Variants in CDH9 observed in about 807,000 individuals in gnomAD.
CDH9 encodes cadherin-9.
Under a neutral mutation model 70.9 loss-of-function variants are expected in CDH9, and 28 were observed. The ratio of observed to expected loss-of-function variants is 0.40; its 90% CI spans 0.29 to 0.54. The LOEUF (loss-of-function observed/expected upper bound fraction) is 0.54, where lower values mean the gene tolerates loss of function less well. CDH9 is among the 20% of genes least tolerant of loss of function. The pLI, the probability that CDH9 is intolerant of heterozygous loss-of-function variation, is 0.59. For missense variants in CDH9, 874 were observed against 984.4 expected, an observed-to-expected ratio of 0.89 and a Z score of 1.50; for synonymous variants, 409 against 343.1, an observed-to-expected ratio of 1.19 and a Z score of -2.12.
chr5:26,945,941 G>A (rs1384966875), intron 2 of CDH9, among the ~76,000 whole-genome samples: 1 of 152,078 alleles, frequency 6.6e-6, no homozygotes, highest in East Asian at 1.9e-4. Context: ...TAATCTCCTT[G>A]CAAGTGGATT....
intron 2 of CDH9, among the ~76,000 whole-genome samples, chr5:26,952,681 C>T (rs76287682): frequency 0.025 from 3,503 of 142,126 alleles, 137 homozygotes; most frequent in African/African-American, 0.087. Context: ...GTGATTGGGT[C>T]ATGAGGGCTT....
At chr5:26,971,325 C>T (rs1340517364) in intron 2 of CDH9, among the ~76,000 whole-genome samples, 6 of 152,078 alleles carry the variant, frequency 3.9e-5, no homozygotes, top group African/African-American at 7.2e-5. Context: ...TAGCCTTGAA[C>T]ACATCATTTT....
At chr5:26,965,951 T>C (rs551833232) in intron 2 of CDH9, among the ~76,000 whole-genome samples, 63 of 152,214 alleles carry the variant, frequency 4.1e-4, no homozygotes, top group Admixed American at 7.9e-4. Flanking sequence ...CACATCCAAC[T>C]TTTTGATGAA....
chr5:26,992,968 T>C (rs1458554071), intron 1 of CDH9, among the ~76,000 whole-genome samples: 1 of 151,970 alleles, frequency 6.6e-6, no homozygotes, highest in African/African-American at 2.4e-5. Flanking sequence ...TAGTGGCGCA[T>C]GCCTGTAATC....
chr5:27,000,555 A>G (rs1261369855), intron 1 of CDH9, among the ~76,000 whole-genome samples: 1 of 152,168 alleles, frequency 6.6e-6, no homozygotes, highest in African/African-American at 2.4e-5. Flanking sequence ...CGAAGTTGGA[A>G]CAACTTCAGC....
chr5:26,967,937 T>C (rs994457668), intron 2 of CDH9, among the ~76,000 whole-genome samples: 3 of 151,830 alleles, frequency 2.0e-5, no homozygotes, highest in African/African-American at 7.3e-5. Context: ...GGTCTTGAAC[T>C]CTTGGCCTCA....
chr5:26,897,859 A>G (rs1228505583), intron 7 of CDH9, among the ~76,000 whole-genome samples: 1 of 152,172 alleles, frequency 6.6e-6, no homozygotes, highest in Non-Finnish European at 1.5e-5. Flanking sequence ...AGGGTATTCA[A>G]GTAGGAAGAG....
chr5:27,026,237 T>C (rs542361729), intron 1 of CDH9, among the ~76,000 whole-genome samples: 7 of 152,142 alleles, frequency 4.6e-5, no homozygotes, highest in African/African-American at 1.7e-4. Context: ...CACATTCTTA[T>C]TATATGTTTA....
chr5:26,939,311 A>G (rs1320576292), intron 2 of CDH9, among the ~76,000 whole-genome samples: 3 of 151,902 alleles, frequency 2.0e-5, no homozygotes, highest in Non-Finnish European at 4.4e-5. Context: ...ATGAGCTCTT[A>G]GACTTAAATA....
intron 1 of CDH9, among the ~76,000 whole-genome samples, chr5:27,014,410 G>C (rs1743011057): frequency 6.6e-6 from 1 of 151,886 alleles, no homozygotes; most frequent in Admixed American, 6.6e-5. Flanking sequence ...TGTGTTCCTA[G>C]GGATCCTGTG....
intron 2 of CDH9, among the ~76,000 whole-genome samples, chr5:26,976,719 G>T (rs1040644263): frequency 6.6e-6 from 1 of 151,964 alleles, no homozygotes; most frequent in Non-Finnish European, 1.5e-5. Context: ...TCCATATATT[G>T]CTTCCTTTTA....
intron 1 of CDH9, among the ~76,000 whole-genome samples, chr5:27,004,586 C>T (rs1742827014): frequency 6.6e-6 from 1 of 151,914 alleles, no homozygotes; most frequent in Non-Finnish European, 1.5e-5. Context: ...GGAGAGACAA[C>T]TGGAAATAAA....
chr5:27,011,283 G>A (rs532580040), intron 1 of CDH9, among the ~76,000 whole-genome samples: 4 of 152,186 alleles, frequency 2.6e-5, no homozygotes, highest in South Asian at 2.1e-4. Flanking sequence ...CTGACCTTAC[G>A]TGGAAACAGA....
At chr5:26,933,400 C>A (rs905875465) in intron 2 of CDH9, among the ~76,000 whole-genome samples, 1 of 151,296 alleles carries the variant, frequency 6.6e-6, no homozygotes, top group African/African-American at 2.4e-5. Context: ...ATGAAATCGA[C>A]AATGAGAGAT....
At chr5:27,028,343 C>T (rs1041867799) in intron 1 of CDH9, 2 of 151,316 alleles carry the variant, frequency 1.3e-5, no homozygotes, top group African/African-American at 4.9e-5. Context: ...CCTGCCACTA[C>T]ACTCCAGCCT....
chr5:26,934,381 C>A (rs909316266), intron 2 of CDH9, among the ~76,000 whole-genome samples: 2 of 152,126 alleles, frequency 1.3e-5, no homozygotes, highest in African/African-American at 4.8e-5. Flanking sequence ...GGTAGGATTG[C>A]TTGAGCCTGG....
intron 9 of CDH9, among the ~76,000 whole-genome samples, 158 bp downstream of exon 9, chr5:26,889,678 T>TAA (rs35232716): frequency 6.6e-6 from 1 of 151,914 alleles, no homozygotes; most frequent in African/African-American, 2.4e-5. Flanking sequence ...ATCACCTTTT[T>TAA]AAAAAATCAC....
intron 2 of CDH9, among the ~76,000 whole-genome samples, chr5:26,958,189 A>G (rs995413300): frequency 5.9e-5 from 9 of 152,196 alleles, no homozygotes; most frequent in African/African-American, 2.2e-4. Context: ...TGAGGTGAGC[A>G]GCAGAGGAGA....
At chr5:26,886,482 A>G (rs1399639216) in intron 9 of CDH9, among the ~76,000 whole-genome samples, 2 of 152,080 alleles carry the variant, frequency 1.3e-5, no homozygotes, top group Non-Finnish European at 2.9e-5. Flanking sequence ...GGACGAGTAC[A>G]CAGAAGATGC....
Sources: allele counts gnomAD v4.1 joint callset (sites outside exome capture counted in the v4.1 genomes callset), GRCh38; gene constraint gnomAD v4.1.1; transcripts MANE v1.5; gene names NCBI Gene and HGNC (gene_info 2026-07-23, HGNC 2026-07-21).